SERPINB7: variants seen among roughly 807,000 people sequenced by gnomAD.
The protein encoded by SERPINB7 is serpin family B member 7, also known as serpin B7.
Under a neutral mutation model 37.4 loss-of-function variants are expected in SERPINB7, and 31 were observed. That is an observed-to-expected ratio of 0.83 (90% confidence interval 0.62 to 1.12). The LOEUF (loss-of-function observed/expected upper bound fraction) is 1.12. Ranked by LOEUF, SERPINB7 falls within the 50% of genes most tolerant of loss-of-function variation. The pLI, the probability that SERPINB7 is intolerant of heterozygous loss-of-function variation, is 0.00. For missense variants in SERPINB7, 521 were observed against 455.3 expected (o/e 1.14, Z -1.31); for synonymous variants, 163 against 166.1 (o/e 0.98, Z 0.14).
chr18:63,804,651 CT>C lies in SERPINB7; in HGVS notation c.*17del. 1 of 1,583,780 alleles carries C rather than the reference CT, an allele frequency of 6.3e-7. No homozygotes were observed. Among genetic ancestry groups the C allele is most frequent in the Non-Finnish European group, 8.6e-7 (1 of 1,164,946 alleles). On this transcript the variant is annotated 3_prime_UTR_variant, in exon 8 of 8. Coordinates refer to ENST00000398019, the MANE Select transcript of SERPINB7 (RefSeq NM_003784.4). ...TTGCCCTTGAAAATCCAATTGGTTT[CT>C]GTTATAGCAGTCCCCACAACATCAA...
intron 4 of SERPINB7, 136 bp from the exon 5 acceptor site, chr18:63,796,130 T>A: frequency 1.8e-6 from 1 of 554,700 alleles, no homozygotes; most frequent in Non-Finnish European, 3.2e-6. Flanking sequence ...CATATATCCC[T>A]ATATTTACAT....
chr18:63,791,764 C>T (rs536585276), intron 2 of SERPINB7, among the ~76,000 whole-genome samples: 5 of 147,478 alleles, frequency 3.4e-5, no homozygotes, highest in African/African-American at 1.2e-4. Context: ...GCGCCCACCA[C>T]CACAACCAGC....
intron 1 of SERPINB7, among the ~76,000 whole-genome samples, chr18:63,779,198 T>C (rs1370054549): frequency 6.6e-6 from 1 of 152,158 alleles, no homozygotes; most frequent in African/African-American, 2.4e-5. Flanking sequence ...CTGAACTTAG[T>C]TTATTTTTGT....
intron 1 of SERPINB7, among the ~76,000 whole-genome samples, chr18:63,767,154 G>A (rs1033084777): frequency 2.0e-5 from 3 of 152,014 alleles, no homozygotes; most frequent in African/African-American, 7.2e-5. Context: ...TGAAAGAATA[G>A]AGGCAATGGA....
intron 2 of SERPINB7, among the ~76,000 whole-genome samples, chr18:63,783,214 G>GAAAC (rs1354149163): frequency 4.3e-5 from 3 of 69,920 alleles, no homozygotes. Flanking sequence ...GAGAGAGAGA[G>GAAAC]AGAGAGAGAG....
intron 4 of SERPINB7, among the ~76,000 whole-genome samples, chr18:63,794,450 G>C (rs1046138260): frequency 7.9e-5 from 12 of 152,174 alleles, no homozygotes; most frequent in African/African-American, 2.6e-4. Context: ...CAGCACTTTG[G>C]GAGGCCGAGG....
chr18:63,767,973 TA>T (rs1415078487), intron 1 of SERPINB7, among the ~76,000 whole-genome samples: 2 of 152,058 alleles, frequency 1.3e-5, no homozygotes, highest in African/African-American at 4.8e-5. Context: ...CTAGTGTTTT[TA>T]AAAAAATTCT....
chr18:63,771,746 C>T (rs76706922), upstream of SERPINB7, among the ~76,000 whole-genome samples: 351 of 151,988 alleles, frequency 2.3e-3, 2 homozygotes, highest in African/African-American at 7.7e-3. Context: ...TTCTCATAGA[C>T]CCTTATGAGA....
chr18:63,790,898 A>C (rs2049419893), intron 2 of SERPINB7, among the ~76,000 whole-genome samples: 1 of 152,244 alleles, frequency 6.6e-6, no homozygotes, highest in South Asian at 2.1e-4. Flanking sequence ...CCAAATGCCC[A>C]GCAATGATAG....
At chr18:63,803,802 G>T (rs1016773536) in intron 7 of SERPINB7, among the ~76,000 whole-genome samples, 1 of 152,170 alleles carries the variant, frequency 6.6e-6, no homozygotes, top group African/African-American at 2.4e-5. Flanking sequence ...GGTTCCTTTG[G>T]TTTACTCCAG....
intron 5 of SERPINB7, 103 bp from the exon 6 acceptor site, chr18:63,798,501 T>C (rs1010200638): frequency 6.7e-5 from 55 of 815,936 alleles, no homozygotes; most frequent in African/African-American, 8.8e-5. Context: ...ATTGGTGTTA[T>C]TATGTGTTAA....
At chr18:63,759,535 A>ACC (rs2049140926) in intron 1 of SERPINB7, among the ~76,000 whole-genome samples, 1 of 150,066 alleles carries the variant, frequency 6.7e-6, no homozygotes, top group African/African-American at 2.5e-5. Flanking sequence ...TTTTCTTTCT[A>ACC]TTTGTTTTCT....
At chr18:63,755,685 G>A (rs2049117866) in intron 1 of SERPINB7, among the ~76,000 whole-genome samples, 2 of 152,084 alleles carry the variant, frequency 1.3e-5, no homozygotes, top group East Asian at 3.9e-4. Context: ...TTGAGCCCGG[G>A]AATTGGAGAC....
At chr18:63,797,725 G>T (rs1348109916) in intron 5 of SERPINB7, among the ~76,000 whole-genome samples, 1 of 152,098 alleles carries the variant, frequency 6.6e-6, no homozygotes, top group African/African-American at 2.4e-5. Context: ...TCATGACCAT[G>T]ACCTTTCTTG....
intron 2 of SERPINB7, among the ~76,000 whole-genome samples, chr18:63,790,098 A>G (rs2049411338): frequency 1.3e-5 from 2 of 152,330 alleles, no homozygotes; most frequent in African/African-American, 4.8e-5. Context: ...ACTACAACTT[A>G]ATAACAGCAA....
intron 2 of SERPINB7, among the ~76,000 whole-genome samples, chr18:63,791,735 C>T (rs571540124): frequency 3.3e-5 from 5 of 151,974 alleles, no homozygotes; most frequent in Admixed American, 6.6e-5. Context: ...CTCAGCCTCC[C>T]GAGTAGCTGG....
At chr18:63,781,180 C>G (rs2049297678) in intron 1 of SERPINB7, among the ~76,000 whole-genome samples, 1 of 152,148 alleles carries the variant, frequency 6.6e-6, no homozygotes, top group Admixed American at 6.5e-5. Flanking sequence ...CTTGTGACCC[C>G]CTTCCTCACC....
At chr18:63,769,067 A>C (rs2049195812) in intron 1 of SERPINB7, among the ~76,000 whole-genome samples, 1 of 152,198 alleles carries the variant, frequency 6.6e-6, no homozygotes. Context: ...ACACTTATGT[A>C]CAAGCACTTT....
chr18:63,792,420 T>A lies in SERPINB7; in HGVS notation c.196T>A (p.Tyr66Asn), dbSNP rs772271779. The change falls in exon 3 of 8, where the codon TAT becomes AAT. Residue 66 changes from tyrosine to asparagine, a missense_variant. By Grantham distance (143) the Tyr-to-Asn change is moderately radical. Transcript: ENST00000398019. ...GCTTCATGTTAACACTGCCTCAGGA[T>A]ATGGAAACTCTTCTAATAGTCAGGT... is the stretch of plus-strand genomic sequence containing the variant. ...KLLHVNTASGYGNSSNSQSGL... is the reference protein window; with the variant it reads ...KLLHVNTASGNGNSSNSQSGL... The A allele has an allele frequency of 1.9e-6, 3 of 1,604,346 alleles. No individual in the cohort carries two copies. The African/African-American group carries it at 4.0e-5, about 21-fold the overall frequency.
Sources: gnomAD v4.1 joint callset for allele counts (sites outside exome capture counted in the v4.1 genomes callset) on GRCh38, gnomAD v4.1.1 for gene constraint, MANE v1.5 for transcripts, NCBI Gene and HGNC (gene_info 2026-07-23, HGNC 2026-07-21) for gene names.